TMEM260: variants seen among roughly 807,000 people sequenced by gnomAD.
TMEM260 encodes transmembrane protein 260, also known as protein O-mannosyl-transferase TMEM260.
Under a neutral mutation model 88.9 loss-of-function variants are expected in TMEM260, and 82 were observed. The observed-to-expected ratio is 0.92, with a 90% CI of 0.77 to 1.11. The LOEUF (loss-of-function observed/expected upper bound fraction) is 1.11, where lower values mean the gene tolerates loss of function less well. TMEM260 is among the 50% of genes least tolerant of loss of function. TMEM260 has a pLI of 0.00. For synonymous variants in TMEM260, 314 were observed against 309.3 expected (o/e 1.02, Z -0.16); for missense variants, 902 against 853.4 (o/e 1.06, Z -0.71).
intron 1 of TMEM260, among the ~76,000 whole-genome samples, chr14:56,583,724 G>A (rs1399154182): frequency 6.6e-6 from 1 of 152,122 alleles, no homozygotes; most frequent in Non-Finnish European, 1.5e-5. Context: ...ATTGAACTTG[G>A]CCTTGAAGGA....
intron 3 of TMEM260, among the ~76,000 whole-genome samples, chr14:56,600,279 T>C (rs60224514): frequency 0.11 from 16,893 of 152,194 alleles, 1,554 homozygotes; most frequent in African/African-American, 0.25. Context: ...CTCTTCTGTT[T>C]TGCGCAAGAC....
In TMEM260 at chr14:56,585,039, A is replaced by C. The variant is rs1328429585; in HGVS notation, c.192+7A>C. 11 of 1,610,506 alleles carry C rather than the reference A, an allele frequency of 6.8e-6. No individual in the cohort carries two copies. Among genetic ancestry groups the C allele is most frequent in the Non-Finnish European group, 8.5e-6 (10 of 1,178,160 alleles). ...AGCCGCACATGAGCTTGGAGTAAGT[A>C]TTAGTTTTATTGTTTAATCAATGCT... On this transcript the variant is annotated splice_region_variant and intron_variant, in intron 2 of 15. Transcript: ENST00000261556.
At chr14:56,641,766 A>G (rs1251809624) in intron 15 of TMEM260, among the ~76,000 whole-genome samples, 1 of 152,238 alleles carries the variant, frequency 6.6e-6, no homozygotes, top group Non-Finnish European at 1.5e-5. Flanking sequence ...GTATTCAGGA[A>G]ACCCATCTCA....
chr14:56,579,968 G>T lies in TMEM260; in HGVS notation c.54G>T (p.Val18=), dbSNP rs764892667. ...AGGCCCAGGGGCGGGCAGTCCGAGT[G>T]GGGCTGCGGCGCTCCGGGGGCATCC... ...RGQAQGRAVR[V]GLRRSGGIRG... Residue 18 remains valine (V), a synonymous_variant, in exon 1 of 16, where the codon GTG becomes GTT. Transcript: ENST00000261556. 1.6e-6 allele frequency: 2 copies of T among 1,242,156 alleles called. No individual in the cohort carries two copies. The highest frequency in any genetic ancestry group is 8.4e-5 in the Admixed American group (2 of 23,748). 76.9% of individuals were successfully genotyped at this position (1,242,156 alleles called of 1,614,324 possible). A position where few individuals can be genotyped will look rare whatever the true frequency, so the allele number is the denominator to read the frequency against.
chr14:56,595,630 C>T (rs1359368497), intron 3 of TMEM260, among the ~76,000 whole-genome samples: 1 of 152,066 alleles, frequency 6.6e-6, no homozygotes, highest in East Asian at 1.9e-4. Flanking sequence ...CAGGCATGTG[C>T]ACCACGCCCA....
At chr14:56,659,398 A>G in the TMEM260 span, among the ~76,000 whole-genome samples, 1 of 152,146 alleles carries the variant, frequency 6.6e-6, no homozygotes, top group African/African-American at 2.4e-5. Context: ...GGGTGCACCA[A>G]TGATCAAAGA....
chr14:56,585,297 G>A (rs1329065460), intron 2 of TMEM260, among the ~76,000 whole-genome samples: 2 of 152,056 alleles, frequency 1.3e-5, no homozygotes, highest in Non-Finnish European at 2.9e-5. Flanking sequence ...AATAAATCGG[G>A]TTAACAGTTT....
intron 15 of TMEM260, 102 bp downstream of exon 15, chr14:56,636,700 T>C: frequency 9.7e-7 from 1 of 1,030,654 alleles, no homozygotes; most frequent in South Asian, 1.5e-5. Context: ...ATTTTTATTA[T>C]TTTATTTCTC....
intron 15 of TMEM260, among the ~76,000 whole-genome samples, chr14:56,645,528 G>A (rs984178728): frequency 6.6e-6 from 1 of 151,954 alleles, no homozygotes; most frequent in African/African-American, 2.4e-5. Flanking sequence ...AGCATTAGGA[G>A]ATATACCTAA....
At chr14:56,639,582 A>G (rs546930321) in intron 15 of TMEM260, among the ~76,000 whole-genome samples, 127 of 152,280 alleles carry the variant, frequency 8.3e-4, no homozygotes, top group Non-Finnish European at 1.4e-3. Flanking sequence ...AACGCAGAAG[A>G]CGGGTGATTT....
intron 1 of TMEM260, among the ~76,000 whole-genome samples, chr14:56,582,734 G>C (rs1194612894): frequency 6.6e-6 from 1 of 152,144 alleles, no homozygotes; most frequent in South Asian, 2.1e-4. Flanking sequence ...TCATGTAAAG[G>C]GTTGGGAGAA....
downstream of TMEM260, among the ~76,000 whole-genome samples, chr14:56,650,957 G>A (rs536400613): frequency 6.6e-6 from 1 of 152,134 alleles, no homozygotes; most frequent in Non-Finnish European, 1.5e-5. Flanking sequence ...TTAGAATTCT[G>A]TTCTAACTGG....
chr14:56,629,534 T>G (rs1474251433), intron 12 of TMEM260, among the ~76,000 whole-genome samples: 1 of 152,218 alleles, frequency 6.6e-6, no homozygotes, highest in Non-Finnish European at 1.5e-5. Flanking sequence ...TTGTTCTTTC[T>G]TCAATCCTGA....
intron 15 of TMEM260, among the ~76,000 whole-genome samples, chr14:56,638,963 G>A (rs1566575514): frequency 1.3e-5 from 2 of 152,128 alleles, no homozygotes. Context: ...TATGGTACAT[G>A]TGACTTAATA....
At chr14:56,660,153 G>C in the TMEM260 span, among the ~76,000 whole-genome samples, 1 of 152,216 alleles carries the variant, frequency 6.6e-6, no homozygotes, top group Admixed American at 6.5e-5. Context: ...AGAGGGCATA[G>C]CAGATAAGCA....
At chr14:56,589,198 A>G (rs747976609) in intron 3 of TMEM260, among the ~76,000 whole-genome samples, 2 of 152,120 alleles carry the variant, frequency 1.3e-5, no homozygotes, top group Non-Finnish European at 2.9e-5. Flanking sequence ...TTGTATAAAA[A>G]TTCTTTACCT....
intron 9 of TMEM260, among the ~76,000 whole-genome samples, 155 bp from the exon 10 acceptor site, chr14:56,618,439 A>G (rs1887714598): frequency 6.6e-6 from 1 of 152,204 alleles, no homozygotes; most frequent in African/African-American, 2.4e-5. Context: ...AAATAAAATG[A>G]CCTGGGCTTG....
chr14:56,641,845 A>C (rs913965303), intron 15 of TMEM260, among the ~76,000 whole-genome samples: 2 of 152,308 alleles, frequency 1.3e-5, no homozygotes, highest in South Asian at 4.1e-4. Flanking sequence ...TGGAAAACAA[A>C]GGCAGTGGTT....
At chr14:56,611,599 A>G (rs1169338508) in intron 6 of TMEM260, among the ~76,000 whole-genome samples, 1 of 152,214 alleles carries the variant, frequency 6.6e-6, no homozygotes. Flanking sequence ...GGGAGTGTAA[A>G]TTAGTTCAGC....
Sources: allele counts gnomAD v4.1 joint callset (sites outside exome capture counted in the v4.1 genomes callset), GRCh38; gene constraint gnomAD v4.1.1; transcripts MANE v1.5; gene names NCBI Gene and HGNC (gene_info 2026-07-23, HGNC 2026-07-21).